Variants in IGSF11 observed in about 807,000 individuals in gnomAD.
IGSF11 encodes the protein immunoglobulin superfamily member 11.
A neutral mutation model predicts 41.0 loss-of-function variants in IGSF11; 22 were observed. The observed-to-expected ratio is 0.54, with a 90% CI of 0.38 to 0.77. IGSF11 has a LOEUF of 0.77. IGSF11 is among the 30% of genes least tolerant of loss of function. The pLI is 0.00. For synonymous variants in IGSF11, 219 were observed against 201.3 expected, an observed-to-expected ratio of 1.09 and a Z score of -0.74; for missense variants, 444 against 530.8, an observed-to-expected ratio of 0.84 and a Z score of 1.61.
At chr3:119,067,251 T>C (rs993609815) in intron 1 of IGSF11, among the ~76,000 whole-genome samples, 5 of 152,174 alleles carry the variant, frequency 3.3e-5, no homozygotes, top group African/African-American at 1.2e-4. Context: ...CGGAGCTGGG[T>C]TGGAGCTGAG....
chr3:118,931,135 T>C (rs1294344382), intron 1 of IGSF11, among the ~76,000 whole-genome samples: 1 of 152,162 alleles, frequency 6.6e-6, no homozygotes, highest in Non-Finnish European at 1.5e-5. Context: ...AAATAGTCTT[T>C]TCAACAAATG....
chr3:118,999,943 T>A (rs1936645906), intron 1 of IGSF11, among the ~76,000 whole-genome samples: 1 of 151,906 alleles, frequency 6.6e-6, no homozygotes, highest in Non-Finnish European at 1.5e-5. Flanking sequence ...TAAAACAAGA[T>A]GAACAAAAAT....
intron 4 of IGSF11, among the ~76,000 whole-genome samples, chr3:118,912,180 T>C (rs1418142533): frequency 3.3e-5 from 5 of 152,254 alleles, no homozygotes; most frequent in African/African-American, 4.8e-5. Context: ...TAAAGTTCTC[T>C]GTGCATCTTT....
chr3:119,059,136 T>G (rs1250367679), intron 1 of IGSF11, among the ~76,000 whole-genome samples: 2 of 130,414 alleles, frequency 1.5e-5, no homozygotes, highest in African/African-American at 5.9e-5. Context: ...ATAATAAAAT[T>G]TAAAAAAAGA....
chr3:118,935,526 G>A (rs1468882815), intron 1 of IGSF11, among the ~76,000 whole-genome samples: 2 of 151,476 alleles, frequency 1.3e-5, no homozygotes, highest in African/African-American at 4.9e-5. Flanking sequence ...GAAGATGGCT[G>A]AAAATTGGTT....
intron 4 of IGSF11, among the ~76,000 whole-genome samples, chr3:118,922,409 TTG>T (rs59598173): frequency 0.39 from 57,609 of 149,572 alleles, 14,508 homozygotes; most frequent in African/African-American, 0.72. Context: ...ATAACTACCT[TTG>T]TGTGTGTGTG....
At chr3:119,112,031 G>A (rs770364646) in intron 1 of IGSF11, among the ~76,000 whole-genome samples, 6 of 152,176 alleles carry the variant, frequency 3.9e-5, no homozygotes, top group African/African-American at 7.2e-5. Context: ...TAGGCTGCTC[G>A]GGGGTCAGGG....
At chr3:119,017,039 CAAAAAAA>C (rs60190891) in intron 1 of IGSF11, among the ~76,000 whole-genome samples, 1 of 88,320 alleles carries the variant, frequency 1.1e-5, no homozygotes, top group African/African-American at 3.7e-5. Flanking sequence ...GGACGCAGGA[CAAAAAAA>C]AAAAAAAAAA....
chr3:119,118,448 G>T (rs1231584057), intron 1 of IGSF11, among the ~76,000 whole-genome samples: 8 of 152,190 alleles, frequency 5.3e-5, no homozygotes, highest in Admixed American at 5.2e-4. Flanking sequence ...AGCTGGAGTG[G>T]CTGGGATGCA....
chr3:119,016,776 T>C (rs1479138424), intron 1 of IGSF11, among the ~76,000 whole-genome samples: 1 of 152,062 alleles, frequency 6.6e-6, no homozygotes, highest in African/African-American at 2.4e-5. Context: ...CCCTCCCCAG[T>C]CTTGTGTACC....
At chr3:118,917,359 A>AG (rs1238355607) in intron 4 of IGSF11, among the ~76,000 whole-genome samples, 2 of 150,588 alleles carry the variant, frequency 1.3e-5, no homozygotes, top group Non-Finnish European at 2.9e-5. Context: ...ATAGACCACT[A>AG]GCAAGACTAA....
chr3:119,004,403 CA>C (rs903482988), intron 1 of IGSF11, among the ~76,000 whole-genome samples: 1 of 151,526 alleles, frequency 6.6e-6, no homozygotes, highest in Non-Finnish European at 1.5e-5. Context: ...TTGATCCTTT[CA>C]AAAAACCAGC....
intron 1 of IGSF11, among the ~76,000 whole-genome samples, chr3:119,132,552 G>C (rs752291691): frequency 1.2e-4 from 18 of 151,986 alleles, no homozygotes; most frequent in Non-Finnish European, 2.6e-4. Context: ...ACCCAATATG[G>C]GAGCACGCAG....
At chr3:119,127,821 G>C (rs1183663358) in intron 1 of IGSF11, among the ~76,000 whole-genome samples, 3 of 152,072 alleles carry the variant, frequency 2.0e-5, no homozygotes, top group African/African-American at 7.2e-5. Flanking sequence ...ATAAGCAAAG[G>C]ATAAATAAAA....
intron 1 of IGSF11, among the ~76,000 whole-genome samples, chr3:119,075,351 G>GA (rs1435680253): frequency 2.0e-5 from 3 of 151,334 alleles, no homozygotes; most frequent in Non-Finnish European, 2.9e-5. Context: ...CTACCAAGCA[G>GA]AAAAAATGCT....
chr3:119,004,350 TC>T (rs1937247717), intron 1 of IGSF11, among the ~76,000 whole-genome samples: 4 of 68,274 alleles, frequency 5.9e-5, no homozygotes, highest in Admixed American at 1.5e-4. Context: ...GATTCTTCTC[TC>T]TTTTTTTCTT....
chr3:119,113,366 A>C (rs2077209937), intron 1 of IGSF11, among the ~76,000 whole-genome samples: 1 of 152,242 alleles, frequency 6.6e-6, no homozygotes, highest in Non-Finnish European at 1.5e-5. Context: ...TTTACAAGAT[A>C]CAATGAGGAT....
chr3:119,062,338 A>G (rs1407139949), intron 1 of IGSF11, among the ~76,000 whole-genome samples: 2 of 152,214 alleles, frequency 1.3e-5, no homozygotes, highest in Non-Finnish European at 2.9e-5. Context: ...AACTGGAAAT[A>G]CCTCTGTATA....
intron 1 of IGSF11, among the ~76,000 whole-genome samples, chr3:119,070,565 G>T (rs981912265): frequency 6.6e-6 from 1 of 152,238 alleles, no homozygotes; most frequent in Non-Finnish European, 1.5e-5. Context: ...TGCTGTGCAG[G>T]TAACATTCAA....
Sources: gnomAD v4.1 joint callset for allele counts (sites outside exome capture counted in the v4.1 genomes callset) on GRCh38, gnomAD v4.1.1 for gene constraint, MANE v1.5 for transcripts, NCBI Gene and HGNC (gene_info 2026-07-23, HGNC 2026-07-21) for gene names.